Variants in PDGFD observed in about 807,000 individuals in gnomAD.
PDGFD encodes platelet derived growth factor D, also known as platelet-derived growth factor D.
Under a neutral mutation model 44.7 loss-of-function variants are expected in PDGFD, and 30 were observed. The ratio of observed to expected loss-of-function variants is 0.67; its 90% CI spans 0.50 to 0.91. PDGFD has a LOEUF of 0.91. Among genes scored for constraint, PDGFD ranks in the 40% least tolerant of loss-of-function variants. PDGFD has a pLI of 0.00. For missense variants in PDGFD, 445 were observed against 457.8 expected, an observed-to-expected ratio of 0.97 and a Z score of 0.25; for synonymous variants, 173 against 168.4, an observed-to-expected ratio of 1.03 and a Z score of -0.21.
chr11:103,945,720 C>G (rs1858658950), intron 4 of PDGFD: 1 of 152,200 alleles, frequency 6.6e-6, no homozygotes, highest in Non-Finnish European at 1.5e-5. Context: ...CCAGCAGTGC[C>G]TAGAATGTAG....
At chr11:103,945,014 A>G (rs1858648333) in intron 4 of PDGFD, among the ~76,000 whole-genome samples, 1 of 152,040 alleles carries the variant, frequency 6.6e-6, no homozygotes, top group African/African-American at 2.4e-5. Flanking sequence ...ATAAGTTCTG[A>G]ACAAACCTTT....
Position 104,038,255 on chromosome 11 carries a change from G to A in PDGFD, c.125-38000C>T, listed in dbSNP as rs75649301. Reference sequence around the variant, plus strand: ...TGGGAAGGCTCTGGAGGCTCCAGCTGATTTCCAGATAATCCATGAAAAAGA... The same window carrying A: ...TGGGAAGGCTCTGGAGGCTCCAGCTAATTTCCAGATAATCCATGAAAAAGA... On this transcript the variant is annotated intron_variant, in intron 1 of 6. Transcript: ENST00000393158. The A allele has an allele frequency of 2.8e-3, 1,290 of 461,370 alleles. 19 individuals carry two copies. The highest frequency in any genetic ancestry group is 0.023 in the African/African-American group (1,181 of 51,704). 28.6% of individuals were successfully genotyped at this position (461,370 alleles called of 1,614,324 possible).
chr11:103,949,459 A>G (rs564221008), intron 3 of PDGFD, among the ~76,000 whole-genome samples: 2 of 152,356 alleles, frequency 1.3e-5, no homozygotes, highest in South Asian at 2.1e-4. Context: ...ATGAGTCTTC[A>G]TAAGTCGGTG....
chr11:103,976,860 G>C (rs898931308), intron 3 of PDGFD, among the ~76,000 whole-genome samples: 2 of 151,908 alleles, frequency 1.3e-5, no homozygotes, highest in South Asian at 4.2e-4. Flanking sequence ...TTATTGATTT[G>C]AGTAAGTTGA....
intron 1 of PDGFD, among the ~76,000 whole-genome samples, chr11:104,084,983 C>G (rs187219543): frequency 0.011 from 1,594 of 148,570 alleles, 14 homozygotes; most frequent in South Asian, 0.032. Context: ...ATATAGTGTG[C>G]CCTTACCCCA....
chr11:103,915,065 C>T (rs534548488), intron 6 of PDGFD, among the ~76,000 whole-genome samples: 2 of 152,296 alleles, frequency 1.3e-5, no homozygotes, highest in South Asian at 2.1e-4. Context: ...CTCACCACTC[C>T]TATTCAAGAT....
At position 104,125,870 on chromosome 11, in the gene PDGFD, G is replaced by A. The variant is rs140024823; in HGVS notation, c.124+37934C>T. Among the ~76,000 whole-genome samples, 394 of 152,288 alleles carry A rather than the reference G, an allele frequency of 2.6e-3. 2 individuals carry two copies. Among genetic ancestry groups the A allele is most frequent in the Non-Finnish European group, 4.4e-3 (298 of 68,022 alleles). ...TCATACTATGACCAACAGTAATGGTGTCACTGCACATTTATGGTACCAGAT... is the reference window on the plus strand; with the variant it reads ...TCATACTATGACCAACAGTAATGGTATCACTGCACATTTATGGTACCAGAT... On this transcript the variant is annotated intron_variant, in intron 1 of 6. Transcript: ENST00000393158.
At chr11:103,995,862 G>C (rs1374348468) in intron 3 of PDGFD, among the ~76,000 whole-genome samples, 1 of 152,022 alleles carries the variant, frequency 6.6e-6, no homozygotes, top group Non-Finnish European at 1.5e-5. Context: ...AAAATGCATG[G>C]CACAAAGGTT....
chr11:103,931,518 C>T (rs1858398605), intron 5 of PDGFD, among the ~76,000 whole-genome samples: 1 of 152,170 alleles, frequency 6.6e-6, no homozygotes, highest in Non-Finnish European at 1.5e-5. Flanking sequence ...CTTGATCATC[C>T]ACAGACTGTC....
intron 1 of PDGFD, among the ~76,000 whole-genome samples, chr11:104,100,993 T>C (rs1591163893): frequency 6.6e-6 from 1 of 152,098 alleles, no homozygotes; most frequent in African/African-American, 2.4e-5. Flanking sequence ...ACAGCCAATA[T>C]CATACTGAAT....
intron 1 of PDGFD, among the ~76,000 whole-genome samples, chr11:104,078,455 TC>T (rs1336665103): frequency 6.6e-6 from 1 of 152,136 alleles, no homozygotes; most frequent in Non-Finnish European, 1.5e-5. Context: ...TTCCCCTACT[TC>T]CTCTTTCTTA....
At position 104,050,802 on chromosome 11, in the gene PDGFD, A is replaced by C. The variant is rs150725830; in HGVS notation, c.125-50547T>G. 4.2e-4 allele frequency among the ~76,000 whole-genome samples: 64 copies of C among 152,308 alleles called. No individual in the cohort carries two copies. The South Asian group carries it at 0.011, about 26-fold the overall frequency. ...GCAGCACATACTCCTGTTGAGAAAC[A>C]CAGAGGCAGAGGATCACTCCAAGAG... is the stretch of plus-strand genomic sequence containing the variant. On this transcript the variant is annotated intron_variant, in intron 1 of 6. Coordinates refer to ENST00000393158, the MANE Select transcript of PDGFD (RefSeq NM_025208.5).
chr11:104,007,323 T>A (rs1859718046), intron 1 of PDGFD, among the ~76,000 whole-genome samples: 1 of 152,144 alleles, frequency 6.6e-6, no homozygotes, highest in South Asian at 2.1e-4. Context: ...TATCCAGCTT[T>A]CCCCATTCAT....
At chr11:103,991,378 T>C (rs1255922509) in intron 3 of PDGFD, among the ~76,000 whole-genome samples, 1 of 152,150 alleles carries the variant, frequency 6.6e-6, no homozygotes, top group East Asian at 1.9e-4. Flanking sequence ...TTTTAAATAA[T>C]CATTTTTATG....
chr11:104,013,534 C>G (rs1859815049), intron 1 of PDGFD, among the ~76,000 whole-genome samples: 3 of 152,124 alleles, frequency 2.0e-5, no homozygotes, highest in African/African-American at 7.2e-5. Flanking sequence ...AGCAGCCAGT[C>G]AGTGAGCCAT....
chr11:104,129,699 C>T (rs540384806), intron 1 of PDGFD, among the ~76,000 whole-genome samples: 13 of 152,132 alleles, frequency 8.5e-5, no homozygotes, highest in South Asian at 4.1e-4. Flanking sequence ...GCGTGAAACA[C>T]GAAGTCAAGA....
At chr11:104,160,519 T>C (rs1862373124) in intron 1 of PDGFD, among the ~76,000 whole-genome samples, 1 of 152,222 alleles carries the variant, frequency 6.6e-6, no homozygotes, top group Non-Finnish European at 1.5e-5. Context: ...GCACTAAAAT[T>C]AGAATACATA....
At chr11:104,149,745 T>C (rs1005250667) in intron 1 of PDGFD, among the ~76,000 whole-genome samples, 3 of 152,166 alleles carry the variant, frequency 2.0e-5, no homozygotes, top group Non-Finnish European at 4.4e-5. Context: ...CAGGTGGCCA[T>C]AGTATATTCC....
chr11:103,995,250 G>A (rs1027919814), intron 3 of PDGFD, among the ~76,000 whole-genome samples: 2 of 152,096 alleles, frequency 1.3e-5, no homozygotes, highest in African/African-American at 4.8e-5. Context: ...GACCCTGTCT[G>A]TTCTGCTTAC....
Sources: gnomAD v4.1 joint callset for allele counts (sites outside exome capture counted in the v4.1 genomes callset) on GRCh38, gnomAD v4.1.1 for gene constraint, MANE v1.5 for transcripts, NCBI Gene and HGNC (gene_info 2026-07-23, HGNC 2026-07-21) for gene names.